The following CGGBP1 variants were observed in gnomAD, a reference collection of about 807,000 sequenced individuals.
CGGBP1 encodes the protein CGG triplet repeat-binding protein 1.
A neutral mutation model predicts 11.4 loss-of-function variants in CGGBP1; 4 were observed. The ratio of observed to expected loss-of-function variants is 0.35; its 90% confidence interval spans 0.17 to 0.80. The LOEUF is 0.80. Among genes scored for constraint, CGGBP1 ranks in the 30% least tolerant of loss-of-function variants. The probability of loss-of-function intolerance (pLI) is 0.52; values close to 1 mark genes in which losing one functional copy is unlikely to be tolerated. For synonymous variants in CGGBP1, 76 were observed against 74.1 expected, an observed-to-expected ratio of 1.03 and a Z score of -0.13; for missense variants, 135 against 202.1, an observed-to-expected ratio of 0.67 and a Z score of 2.01.
At chr3:88,069,322 T>C (rs1381143880) in intron 2 of CGGBP1, among the ~76,000 whole-genome samples, 1 of 152,170 alleles carries the variant, frequency 6.6e-6, no homozygotes, top group Non-Finnish European at 1.5e-5. Context: ...CTTGGGAGGC[T>C]GAGGCAGGAG....
At chr3:88,082,764 T>G (rs1708147334) in intron 2 of CGGBP1, among the ~76,000 whole-genome samples, 1 of 152,222 alleles carries the variant, frequency 6.6e-6, no homozygotes, top group Non-Finnish European at 1.5e-5. Flanking sequence ...ATATTTTAGT[T>G]GATCACTTTA....
intron 2 of CGGBP1, among the ~76,000 whole-genome samples, chr3:88,127,785 C>T (rs1706207984): frequency 6.6e-6 from 1 of 152,122 alleles, no homozygotes; most frequent in Non-Finnish European, 1.5e-5. Context: ...TACTAGCATA[C>T]CTCACACTTT....
chr3:88,121,216 A>G (rs1705750064), intron 2 of CGGBP1, among the ~76,000 whole-genome samples: 1 of 152,138 alleles, frequency 6.6e-6, no homozygotes, highest in Non-Finnish European at 1.5e-5. Flanking sequence ...TTGACTACCA[A>G]ATTTGTATTC....
At chr3:88,115,987 CAG>C (rs1347714971) in intron 2 of CGGBP1, among the ~76,000 whole-genome samples, 1 of 152,068 alleles carries the variant, frequency 6.6e-6, no homozygotes, top group Non-Finnish European at 1.5e-5. Context: ...TGCGATGAAA[CAG>C]GGAAATGTGT....
chr3:88,129,347 C>T (rs1348904595), intron 2 of CGGBP1, among the ~76,000 whole-genome samples: 1 of 139,276 alleles, frequency 7.2e-6, no homozygotes, highest in Non-Finnish European at 1.6e-5. Context: ...AAAAAAAAAC[C>T]CAAGAAGCAT....
chr3:88,068,144 G>A (rs1468882890), intron 2 of CGGBP1, among the ~76,000 whole-genome samples: 1 of 151,868 alleles, frequency 6.6e-6, no homozygotes, highest in Non-Finnish European at 1.5e-5. Flanking sequence ...ATGTTGAATT[G>A]ACCCACAGAA....
chr3:88,122,775 C>T (rs756269020), intron 2 of CGGBP1, among the ~76,000 whole-genome samples: 39 of 151,876 alleles, frequency 2.6e-4, no homozygotes, highest in Admixed American at 4.6e-4. Flanking sequence ...TTTGGGAAAC[C>T]GAGGTGGGCA....
At chr3:88,105,611 C>G (rs1454143340) in intron 2 of CGGBP1, among the ~76,000 whole-genome samples, 14 of 152,108 alleles carry the variant, frequency 9.2e-5, no homozygotes, top group Admixed American at 7.9e-4. Context: ...TTCCATAGAG[C>G]TTGTACCATT....
chr3:88,116,986 T>TA (rs748760274), intron 2 of CGGBP1, among the ~76,000 whole-genome samples: 2 of 152,284 alleles, frequency 1.3e-5, no homozygotes, highest in East Asian at 1.9e-4. Context: ...TAAGACAGTT[T>TA]AAAAAAATTT....
intron 2 of CGGBP1, among the ~76,000 whole-genome samples, chr3:88,130,238 A>C (rs1430917595): frequency 2.0e-5 from 3 of 152,144 alleles, no homozygotes; most frequent in Non-Finnish European, 4.4e-5. Flanking sequence ...CTGTTTCCTC[A>C]GCTCCAGTAC....
chr3:88,063,948 A>C (rs183642324), upstream of CGGBP1, among the ~76,000 whole-genome samples: 1 of 152,152 alleles, frequency 6.6e-6, no homozygotes, highest in African/African-American at 2.4e-5. Context: ...AACTTGTCCT[A>C]AATCCTACTT....
At chr3:88,122,789 C>G (rs1705848692) in intron 2 of CGGBP1, among the ~76,000 whole-genome samples, 3 of 151,934 alleles carry the variant, frequency 2.0e-5, no homozygotes, top group Admixed American at 2.0e-4. Flanking sequence ...GTGGGCAGAT[C>G]ACCTGAGGTG....
chr3:88,148,498 G>T (rs1707349013), intron 1 of CGGBP1, among the ~76,000 whole-genome samples: 4 of 152,144 alleles, frequency 2.6e-5, no homozygotes, highest in Admixed American at 2.6e-4. Context: ...AGCTAACATA[G>T]CAGGCATTCA....
At chr3:88,125,726 C>T (rs1274063691) in intron 2 of CGGBP1, among the ~76,000 whole-genome samples, 2 of 152,190 alleles carry the variant, frequency 1.3e-5, no homozygotes, top group African/African-American at 4.8e-5. Context: ...TTAGCAGACA[C>T]CCCACGCCCC....
chr3:88,095,413 C>G (rs1704000561), intron 2 of CGGBP1: 1 of 340,008 alleles, frequency 2.9e-6, no homozygotes, highest in Non-Finnish European at 5.6e-6. Flanking sequence ...CCCTTTTAGC[C>G]CTTTGCTGTT....
At chr3:88,061,946 A>G (rs1010684387), upstream of CGGBP1, among the ~76,000 whole-genome samples, 11 of 152,164 alleles carry the variant, frequency 7.2e-5, no homozygotes, top group African/African-American at 2.7e-4. Flanking sequence ...TCCTCTTTTT[A>G]GAGGGAAATA....
intron 2 of CGGBP1, among the ~76,000 whole-genome samples, chr3:88,108,176 G>C (rs908856638): frequency 6.6e-6 from 1 of 151,328 alleles, no homozygotes; most frequent in Non-Finnish European, 1.5e-5. Context: ...TTCAGGTCAC[G>C]ACCTACATGA....
At chr3:88,126,273 C>A (rs1706091256) in intron 2 of CGGBP1, 1 of 1,478,008 alleles carries the variant, frequency 6.8e-7, no homozygotes, top group African/African-American at 1.4e-5. Context: ...GAGATAGGTA[C>A]TTCAGGAGAT....
intron 2 of CGGBP1, among the ~76,000 whole-genome samples, chr3:88,132,336 C>A (rs1706513476): frequency 6.6e-6 from 1 of 152,190 alleles, no homozygotes; most frequent in East Asian, 1.9e-4. Flanking sequence ...TTAATAGGGT[C>A]TTTTATTAGC....
Sources: gnomAD v4.1 joint callset for allele counts (sites outside exome capture counted in the v4.1 genomes callset) on GRCh38, gnomAD v4.1.1 for gene constraint, MANE v1.5 for transcripts, NCBI Gene and HGNC (gene_info 2026-07-23, HGNC 2026-07-21) for gene names.